NAV2: variants seen among roughly 807,000 people sequenced by gnomAD.
NAV2 encodes neuron navigator 2.
NAV2 carries 54 observed loss-of-function variants against 223.2 expected under a neutral mutation model. The observed-to-expected ratio is 0.24, with a 90% CI of 0.19 to 0.30. NAV2 has a LOEUF of 0.30. NAV2 is among the 10% of genes least tolerant of loss of function. NAV2 has a pLI of 1.00. For missense variants in NAV2, 2,806 were observed against 3,147.5 expected (o/e 0.89, Z 2.60); for synonymous variants, 1,279 against 1,239.3 (o/e 1.03, Z -0.67).
intron 4 of NAV2, among the ~76,000 whole-genome samples, chr11:19,878,326 A>G (rs998758506): frequency 1.3e-5 from 2 of 152,218 alleles, no homozygotes; most frequent in African/African-American, 2.4e-5. Flanking sequence ...CTATAGTCAT[A>G]TAATAACCAA....
intron 1 of NAV2, among the ~76,000 whole-genome samples, chr11:19,426,239 A>C (rs561931955): frequency 2.0e-5 from 3 of 152,244 alleles, no homozygotes; most frequent in East Asian, 3.9e-4. Context: ...CTAGATGTAA[A>C]GTGTTGTTTC....
chr11:19,427,964 T>TG (rs1310184821), intron 1 of NAV2, among the ~76,000 whole-genome samples: 1 of 152,106 alleles, frequency 6.6e-6, no homozygotes, highest in Non-Finnish European at 1.5e-5. Context: ...GTTTTTTGTG[T>TG]TTTTGATTGT....
At chr11:19,829,186 A>G (rs145978550) in intron 1 of NAV2, among the ~76,000 whole-genome samples, 15 of 152,358 alleles carry the variant, frequency 9.8e-5, no homozygotes, top group African/African-American at 3.6e-4. Context: ...TTTTAGGTGC[A>G]CGTGGCTTTA....
intron 1 of NAV2, among the ~76,000 whole-genome samples, chr11:19,557,552 G>A (rs1033062778): frequency 6.6e-6 from 1 of 152,200 alleles, no homozygotes; most frequent in African/African-American, 2.4e-5. Flanking sequence ...GGAACTTCTG[G>A]TTGCCACAAG....
intron 1 of NAV2, among the ~76,000 whole-genome samples, chr11:19,578,490 G>A (rs1281117694): frequency 6.6e-6 from 1 of 152,170 alleles, no homozygotes; most frequent in African/African-American, 2.4e-5. Context: ...CACATGCAGG[G>A]GGTGAGTCCC....
intron 1 of NAV2, among the ~76,000 whole-genome samples, chr11:19,555,012 CAA>C (rs66625282): frequency 2.2e-3 from 316 of 141,418 alleles, no homozygotes; most frequent in Middle Eastern, 0.014. Context: ...CCATGTTTTG[CAA>C]AAAAAAAAAA....
At chr11:19,745,725 A>G (rs1565243580) in intron 1 of NAV2, among the ~76,000 whole-genome samples, 1 of 152,000 alleles carries the variant, frequency 6.6e-6, no homozygotes, top group East Asian at 1.9e-4. Flanking sequence ...GGAGTGTGCA[A>G]CCTAGATCCC....
At chr11:19,479,157 A>G (rs2042207787) in intron 1 of NAV2, among the ~76,000 whole-genome samples, 2 of 152,136 alleles carry the variant, frequency 1.3e-5, no homozygotes, top group Non-Finnish European at 2.9e-5. Context: ...AGGAATCTAA[A>G]GAAACTTCTC....
At chr11:20,073,435 T>G (rs1473104378) in intron 22 of NAV2, among the ~76,000 whole-genome samples, 1 of 152,234 alleles carries the variant, frequency 6.6e-6, no homozygotes, top group Non-Finnish European at 1.5e-5. Flanking sequence ...GGTATCAGGA[T>G]GATGCTGGCC....
chr11:20,111,255 C>T (rs2062615945), intron 36 of NAV2, among the ~76,000 whole-genome samples: 1 of 152,206 alleles, frequency 6.6e-6, no homozygotes. Flanking sequence ...GTCTCAGCTC[C>T]CTGTTGTCCT....
chr11:19,472,657 C>T (rs774953015), intron 1 of NAV2, among the ~76,000 whole-genome samples: 1 of 152,092 alleles, frequency 6.6e-6, no homozygotes. Context: ...TACTTGTAAA[C>T]TCCTGGCCCC....
At position 20,055,958 on chromosome 11, in the gene NAV2, G is replaced by T. The variant is rs749522734; in HGVS notation, c.4831+1G>T. 4 of 1,612,470 alleles carry T rather than the reference G, an allele frequency of 2.5e-6. No homozygotes were observed. The African/African-American group carries it at 5.3e-5, about 22-fold the overall frequency. On this transcript the variant is annotated splice_donor_variant, in intron 19 of 37. Coordinates refer to ENST00000349880, the MANE Select transcript of NAV2 (RefSeq NM_145117.5). LOFTEE classifies it high-confidence loss of function. ...TCATTCCGGGATGGGTTTGAAGAAGGTAAGGAAGGAAAGGAAGAAGGTAAG... is the reference window on the plus strand; with the variant it reads ...TCATTCCGGGATGGGTTTGAAGAAGTTAAGGAAGGAAAGGAAGAAGGTAAG...
intron 1 of NAV2, among the ~76,000 whole-genome samples, chr11:19,413,536 C>T (rs544429103): frequency 1.3e-5 from 2 of 152,236 alleles, no homozygotes; most frequent in East Asian, 3.9e-4. Flanking sequence ...CACATCCTAT[C>T]AAAACAGGCC....
chr11:20,010,749 T>C (rs1385177775), intron 11 of NAV2, among the ~76,000 whole-genome samples: 10 of 152,232 alleles, frequency 6.6e-5, no homozygotes, highest in Admixed American at 6.5e-4. Flanking sequence ...TAGCATTGGC[T>C]ACTTAAGATA....
At chr11:19,626,188 G>T (rs1291493964) in intron 1 of NAV2, among the ~76,000 whole-genome samples, 1 of 152,022 alleles carries the variant, frequency 6.6e-6, no homozygotes, top group African/African-American at 2.4e-5. Flanking sequence ...TAGGTATTTG[G>T]CCATTTTGAG....
chr11:19,419,220 T>A (rs1850509521), intron 1 of NAV2, among the ~76,000 whole-genome samples: 1 of 152,208 alleles, frequency 6.6e-6, no homozygotes. Flanking sequence ...TCTTTGTTGT[T>A]GAAATGCTGT....
At chr11:19,690,305 T>C (rs2049136083) in intron 1 of NAV2, among the ~76,000 whole-genome samples, 1 of 152,204 alleles carries the variant, frequency 6.6e-6, no homozygotes, top group Admixed American at 6.5e-5. Context: ...ATGCTTATGT[T>C]TACCACCTTA....
chr11:19,615,656 A>G (rs923094548), intron 1 of NAV2, among the ~76,000 whole-genome samples: 1 of 152,220 alleles, frequency 6.6e-6, no homozygotes, highest in African/African-American at 2.4e-5. Flanking sequence ...TTTCTGAGCC[A>G]TAATGAATCA....
Position 19,713,467 on chromosome 11 carries a change from G to T in NAV2, c.-229G>T. 2 of 1,336,464 alleles carry T rather than the reference G, an allele frequency of 1.5e-6. No homozygotes were observed. The highest frequency in any genetic ancestry group is 1.9e-6 in the Non-Finnish European group (2 of 1,049,766). 82.8% of individuals were successfully genotyped at this position (1,336,464 alleles called of 1,614,324 possible). On this transcript the variant is annotated 5_prime_UTR_variant, in exon 1 of 38. Transcript: ENST00000349880. This position sits in a 1 kb window ranked among gnomAD's most constrained non-coding sequence, Gnocchi z 7.2. ...CCGGCGGCAGCATCCGTCCAGGTGG[G>T]ACCCGCTGAGCGCCGTGGCCAGTCC... is the stretch of plus-strand genomic sequence containing the variant.
Sources: gnomAD v4.1 joint callset for allele counts (sites outside exome capture counted in the v4.1 genomes callset) on GRCh38, gnomAD v4.1.1 for gene constraint, Gnocchi (gnomAD v3.1) non-coding constraint, MANE v1.5 for transcripts, NCBI Gene and HGNC (gene_info 2026-07-23, HGNC 2026-07-21) for gene names.